Variants in UBE3B observed in about 807,000 individuals in gnomAD.
The protein encoded by UBE3B is ubiquitin-protein ligase E3B.
UBE3B carries 80 observed loss-of-function variants against 132.3 expected under a neutral mutation model. The ratio of observed to expected loss-of-function variants is 0.60; its 90% CI spans 0.50 to 0.73. UBE3B has a LOEUF of 0.73. UBE3B is among the 30% of genes least tolerant of loss of function. The pLI is 0.00. For missense variants in UBE3B, 1,196 were observed against 1,362.5 expected (o/e 0.88, Z 1.92); for synonymous variants, 487 against 520.4 (o/e 0.94, Z 0.87).
intron 6 of UBE3B, 27 bp downstream of exon 6, chr12:109,486,602 A>G: frequency 1.5e-6 from 2 of 1,335,498 alleles, no homozygotes; most frequent in Non-Finnish European, 1.0e-6. Context: ...AAAAAAAAAA[A>G]AGCAAAACCA....
chr12:109,547,288 C>A, the UBE3B span, among the ~76,000 whole-genome samples: 1 of 152,342 alleles, frequency 6.6e-6, no homozygotes, highest in Admixed American at 6.5e-5. This position sits in a 1 kb window ranked among gnomAD's most constrained non-coding sequence, Gnocchi z 4.1. Flanking sequence ...CTCATCACGA[C>A]CTGGAGCAAG....
At chr12:109,497,263 G>A (rs1878326238) in intron 9 of UBE3B, among the ~76,000 whole-genome samples, 1 of 151,414 alleles carries the variant, frequency 6.6e-6, no homozygotes, top group Admixed American at 6.6e-5. Flanking sequence ...ATCTATATTT[G>A]TGTTTATATT....
At position 109,534,778 on chromosome 12, in the gene UBE3B, C is replaced by G; in HGVS notation, c.3203C>G (p.Ser1068Cys). The change falls in exon 28 of 28, where the codon TCC becomes TGC. Residue 1068 changes from serine to cysteine, a missense_variant. Coordinates refer to ENST00000342494, the MANE Select transcript of UBE3B (RefSeq NM_130466.4). The surrounding 1 kb of genome is among the most constrained non-coding windows in gnomAD (Gnocchi z 5.2). The part of the protein sequence containing the change: ...AISMNTGFEL[S>C] ...AGCATGAACACGGGCTTTGAACTCTCCTAGCTCCTGTCCCAGCCCTGCCTC... is the reference window on the plus strand; with the variant it reads ...AGCATGAACACGGGCTTTGAACTCTGCTAGCTCCTGTCCCAGCCCTGCCTC... 4 of 1,522,424 alleles carry G rather than the reference C, an allele frequency of 2.6e-6. No individual in the cohort carries two copies. 94.3% of individuals were successfully genotyped at this position (1,522,424 alleles called of 1,614,324 possible).
intron 19 of UBE3B, 24 bp downstream of exon 19, chr12:109,516,908 C>T (rs1213585772): frequency 2.5e-6 from 4 of 1,610,078 alleles, no homozygotes; most frequent in Non-Finnish European, 3.4e-6. Flanking sequence ...CTATGGAATC[C>T]TACCACAAGG....
At chr12:109,537,768 G>A (rs959773731), downstream of UBE3B, among the ~76,000 whole-genome samples, 5 of 152,044 alleles carry the variant, frequency 3.3e-5, no homozygotes, top group African/African-American at 4.8e-5. Context: ...GCAGTGGCGC[G>A]ATCTCAGCTC....
At chr12:109,508,995 A>C (rs771285381) in intron 15 of UBE3B, 1 of 153,166 alleles carries the variant, frequency 6.5e-6, no homozygotes, top group South Asian at 2.1e-4. Context: ...GTGAATTAAG[A>C]AAGTGTCACA....
intron 19 of UBE3B, among the ~76,000 whole-genome samples, chr12:109,518,703 T>C (rs753126557): frequency 1.3e-5 from 2 of 152,218 alleles, no homozygotes; most frequent in Non-Finnish European, 2.9e-5. Context: ...TTCACAAATA[T>C]CATTGCTTAT....
chr12:109,547,455 GCA>G, the UBE3B span, among the ~76,000 whole-genome samples: 7 of 152,236 alleles, frequency 4.6e-5, no homozygotes, highest in Admixed American at 2.6e-4. The surrounding 1 kb of genome is among the most constrained non-coding windows in gnomAD (Gnocchi z 4.1). Flanking sequence ...GCGTACGCGC[GCA>G]CACACATGTA....
the UBE3B span, among the ~76,000 whole-genome samples, chr12:109,542,289 G>A: frequency 2.0e-5 from 3 of 152,192 alleles, no homozygotes; most frequent in East Asian, 5.8e-4. Context: ...CAGTCCATGG[G>A]TATGGGCCTG....
intron 8 of UBE3B, chr12:109,490,573 T>A: frequency 6.5e-7 from 1 of 1,536,084 alleles, no homozygotes; most frequent in Non-Finnish European, 8.7e-7. Flanking sequence ...GAAGCTGGTA[T>A]GACTGGCAGT....
At chr12:109,484,731 T>A (rs1353312354) in intron 4 of UBE3B, among the ~76,000 whole-genome samples, 2 of 148,402 alleles carry the variant, frequency 1.3e-5, no homozygotes, top group Non-Finnish European at 3.0e-5. Context: ...GCCAAAGATC[T>A]GAGTTTTTAT....
At chr12:109,544,238 A>G in the UBE3B span, among the ~76,000 whole-genome samples, 12 of 152,132 alleles carry the variant, frequency 7.9e-5, 1 homozygote, top group Admixed American at 7.9e-4. Context: ...CCAGCAGGCC[A>G]TGGACGGACA....
the UBE3B span, among the ~76,000 whole-genome samples, chr12:109,546,568 G>A: frequency 1.3e-5 from 2 of 152,220 alleles, no homozygotes; most frequent in Non-Finnish European, 2.9e-5. Flanking sequence ...TGCATGCAGG[G>A]GTCTTTAGGG....
At chr12:109,507,858 A>C in intron 15 of UBE3B, 123 bp downstream of exon 15, 2 of 1,192,388 alleles carry the variant, frequency 1.7e-6, no homozygotes, top group East Asian at 4.9e-5. Flanking sequence ...GTGGCAGGGC[A>C]TTGTAAGAAC....
intron 14 of UBE3B, among the ~76,000 whole-genome samples, chr12:109,506,013 A>G (rs1706995174): frequency 6.6e-6 from 1 of 152,216 alleles, no homozygotes; most frequent in Non-Finnish European, 1.5e-5. Flanking sequence ...ATGTGTTATT[A>G]GATGTAAACT....
At chr12:109,480,566 G>A (rs1263752699) in intron 1 of UBE3B, among the ~76,000 whole-genome samples, 7 of 151,920 alleles carry the variant, frequency 4.6e-5, no homozygotes, top group African/African-American at 1.2e-4. Context: ...TGGGAGAATC[G>A]CTTGAGCCTG....
At chr12:109,532,353 CAT>C (rs1686872012) in intron 26 of UBE3B, among the ~76,000 whole-genome samples, 1 of 152,168 alleles carries the variant, frequency 6.6e-6, no homozygotes, top group African/African-American at 2.4e-5. Context: ...ATAAATAAAA[CAT>C]GTTAGAATAG....
At position 109,480,091 on chromosome 12, in the gene UBE3B, T is replaced by A. The variant is rs1282946459; in HGVS notation, c.-127-1546T>A. Among the ~76,000 whole-genome samples, 7 of 151,854 alleles carry A rather than the reference T, an allele frequency of 4.6e-5. No homozygotes were observed. In the South Asian group the frequency reaches 1.5e-3, roughly 32 times the overall value. ...CTGGTGAATCTTAGTGCATTTAAGA[T>A]AGGAAAAAAGTTAATGGGTGAGAAA... On this transcript the variant is annotated intron_variant, in intron 1 of 27. Transcript: ENST00000342494.
Position 109,536,440 on chromosome 12 carries a change from G to T in UBE3B, c.*1658G>T, listed in dbSNP as rs1441544220. 6.6e-6 allele frequency: 1 copy of T among 152,214 alleles called. No homozygotes were observed. The highest frequency in any genetic ancestry group is 1.5e-5 in the Non-Finnish European group (1 of 68,046). The allele number at this position is 152,214 out of a possible 1,614,324, so 9.4% of individuals were successfully genotyped here. ...TGAAGGTTGGAACCAGTGAGGGACT[G>T]GGAGAGAGTGATTTATAAGCACCAA... On this transcript the variant is annotated 3_prime_UTR_variant, in exon 28 of 28. Coordinates refer to ENST00000342494, the MANE Select transcript of UBE3B (RefSeq NM_130466.4).
Sources: allele counts gnomAD v4.1 joint callset (sites outside exome capture counted in the v4.1 genomes callset), GRCh38; gene constraint gnomAD v4.1.1; non-coding constraint Gnocchi (gnomAD v3.1); transcripts MANE v1.5; gene names NCBI Gene and HGNC (gene_info 2026-07-23, HGNC 2026-07-21).